ARHGAP44: variants seen among roughly 807,000 people sequenced by gnomAD.
ARHGAP44 encodes Rho GTPase activating protein 44.
Under a neutral mutation model 106.8 loss-of-function variants are expected in ARHGAP44, and 43 were observed. The observed-to-expected ratio is 0.40, with a 90% CI of 0.32 to 0.52. ARHGAP44 has a LOEUF of 0.52. ARHGAP44 is among the 20% of genes least tolerant of loss of function. ARHGAP44 has a pLI of 0.48. For synonymous variants in ARHGAP44, 439 were observed against 410.3 expected, an observed-to-expected ratio of 1.07 and a Z score of -0.85; for missense variants, 866 against 1,050.5, an observed-to-expected ratio of 0.82 and a Z score of 2.43.
chr17:12,791,119 AG>A (rs1293571349), intron 1 of ARHGAP44, among the ~76,000 whole-genome samples: 2 of 152,146 alleles, frequency 1.3e-5, no homozygotes, highest in African/African-American at 2.4e-5. Context: ...TGGGCATTTG[AG>A]GGCAGGGGAT....
chr17:12,843,624 A>G (rs1271698997), intron 1 of ARHGAP44, among the ~76,000 whole-genome samples: 2 of 135,762 alleles, frequency 1.5e-5, no homozygotes, highest in South Asian at 2.4e-4. Flanking sequence ...TGTGGATGCT[A>G]TTACATTCTC....
At chr17:12,793,163 A>T (rs2033815903) in intron 1 of ARHGAP44, among the ~76,000 whole-genome samples, 6 of 152,186 alleles carry the variant, frequency 3.9e-5, no homozygotes, top group Admixed American at 3.9e-4. Flanking sequence ...GTAGTTAAGG[A>T]TTGCACTGTG....
intron 1 of ARHGAP44, among the ~76,000 whole-genome samples, chr17:12,860,224 C>T (rs2036029068): frequency 6.6e-6 from 1 of 152,206 alleles, no homozygotes; most frequent in South Asian, 2.1e-4. Flanking sequence ...AATACATTGA[C>T]ATTATCCAGC....
intron 1 of ARHGAP44, among the ~76,000 whole-genome samples, chr17:12,892,727 T>C (rs1046807606): frequency 6.6e-6 from 1 of 152,110 alleles, no homozygotes; most frequent in African/African-American, 2.4e-5. Flanking sequence ...ATTGCTGTTA[T>C]GCTTCCTCCA....
chr17:12,820,814 G>T (rs62060420), intron 1 of ARHGAP44, among the ~76,000 whole-genome samples: 7,279 of 152,198 alleles, frequency 0.048, 214 homozygotes, highest in African/African-American at 0.087. Context: ...TGTTATTCCA[G>T]TGTGATAGTT....
chr17:12,943,964 C>G, intron 9 of ARHGAP44, 105 bp from the exon 10 acceptor site: 2 of 1,405,782 alleles, frequency 1.4e-6, no homozygotes, highest in Middle Eastern at 1.8e-4. Flanking sequence ...GGGCCTCCCT[C>G]TCTTTGGTAA....
chr17:12,986,859 C>A, intron 20 of ARHGAP44: 1 of 428,180 alleles, frequency 2.3e-6, no homozygotes, highest in Non-Finnish European at 4.2e-6. Flanking sequence ...TTAAGAACTC[C>A]TGACCTTCAG....
At chr17:12,905,639 ACT>A (rs1332525720) in intron 3 of ARHGAP44, among the ~76,000 whole-genome samples, 1 of 151,638 alleles carries the variant, frequency 6.6e-6, no homozygotes, top group Non-Finnish European at 1.5e-5. Context: ...ATTTGGAAAA[ACT>A]CTACTTACCT....
At chr17:12,832,586 T>C (rs1348573730) in intron 1 of ARHGAP44, among the ~76,000 whole-genome samples, 1 of 152,218 alleles carries the variant, frequency 6.6e-6, no homozygotes, top group African/African-American at 2.4e-5. Flanking sequence ...AGGAAAGGGC[T>C]GTTCTCATCT....
At chr17:12,901,071 C>T (rs2037361851) in intron 3 of ARHGAP44, among the ~76,000 whole-genome samples, 1 of 151,840 alleles carries the variant, frequency 6.6e-6, no homozygotes, top group South Asian at 2.1e-4. Context: ...TTACAGGCAC[C>T]TGCCACCATG....
At chr17:12,965,881 A>C (rs1232510541) in intron 16 of ARHGAP44, among the ~76,000 whole-genome samples, 1 of 152,150 alleles carries the variant, frequency 6.6e-6, no homozygotes, top group African/African-American at 2.4e-5. Flanking sequence ...GGCCAGGTGC[A>C]GTGACTCACA....
intron 20 of ARHGAP44, among the ~76,000 whole-genome samples, 155 bp from the exon 21 acceptor site, chr17:12,989,877 G>A (rs2040074634): frequency 1.3e-5 from 2 of 152,132 alleles, no homozygotes; most frequent in Non-Finnish European, 2.9e-5. Context: ...CAACCTGATC[G>A]ACTGTGCAAC....
At chr17:12,825,558 C>T (rs1049073747) in intron 1 of ARHGAP44, among the ~76,000 whole-genome samples, 3 of 152,014 alleles carry the variant, frequency 2.0e-5, no homozygotes, top group African/African-American at 7.3e-5. Flanking sequence ...GGAGAGTTGA[C>T]GTTGCTGTCT....
At chr17:12,861,845 G>C (rs893220620) in intron 1 of ARHGAP44, among the ~76,000 whole-genome samples, 1 of 151,866 alleles carries the variant, frequency 6.6e-6, no homozygotes, top group Non-Finnish European at 1.5e-5. Context: ...ATGTTGGCCA[G>C]GCTGGTCTTG....
Position 12,976,585 on chromosome 17 carries a change from C to A in ARHGAP44, c.1763+2275C>A, listed in dbSNP as rs1182991739. On this transcript the variant is annotated intron_variant, in intron 18 of 20. Coordinates refer to ENST00000379672, the MANE Select transcript of ARHGAP44 (RefSeq NM_014859.6). ...CCGAGATGGTGCCACTGCACTCCAACCTGGGTGACAGAGCGAGACTCTGTG... is the reference window on the plus strand; with the variant it reads ...CCGAGATGGTGCCACTGCACTCCAAACTGGGTGACAGAGCGAGACTCTGTG... 2.1e-5 allele frequency among the ~76,000 whole-genome samples: 3 copies of A among 142,358 alleles called. No homozygotes were observed. In the East Asian group the frequency reaches 6.3e-4, roughly 30 times the overall value. 93.4% of individuals were successfully genotyped at this position (142,358 alleles called of 152,430 possible).
chr17:12,797,095 A>C (rs1178583312), intron 1 of ARHGAP44, among the ~76,000 whole-genome samples: 1 of 152,018 alleles, frequency 6.6e-6, no homozygotes, highest in African/African-American at 2.4e-5. Context: ...AGGTTTTAAA[A>C]ATTTTTGTTG....
At chr17:12,928,806 C>G (rs2150965756) in intron 6 of ARHGAP44, 123 bp from the exon 7 acceptor site, 1 of 810,930 alleles carries the variant, frequency 1.2e-6, no homozygotes, top group East Asian at 2.9e-5. Context: ...CATGACCTCC[C>G]TTTTCCAGTG....
chr17:12,894,844 T>G, intron 1 of ARHGAP44, 96 bp from the exon 2 acceptor site: 1 of 1,132,456 alleles, frequency 8.8e-7, no homozygotes, highest in Non-Finnish European at 1.3e-6. Context: ...CATGTCTCTG[T>G]TTTTCTGGTA....
intron 1 of ARHGAP44, among the ~76,000 whole-genome samples, chr17:12,825,102 C>T (rs551848461): frequency 1.3e-5 from 2 of 152,102 alleles, no homozygotes; most frequent in Non-Finnish European, 2.9e-5. Flanking sequence ...GTGGCATGAT[C>T]ACAGCTCTCT....
Sources: allele counts gnomAD v4.1 joint callset (sites outside exome capture counted in the v4.1 genomes callset), GRCh38; gene constraint gnomAD v4.1.1; transcripts MANE v1.5; gene names NCBI Gene and HGNC (gene_info 2026-07-23, HGNC 2026-07-21).